The following SUGCT variants were observed in gnomAD, a reference collection of about 807,000 sequenced individuals.
The protein encoded by SUGCT is succinyl-CoA:glutarate CoA-transferase.
Under a neutral mutation model 55.0 loss-of-function variants are expected in SUGCT, and 41 were observed. That is an observed-to-expected ratio of 0.74 (90% CI 0.58 to 0.97). SUGCT has a LOEUF of 0.97. SUGCT is among the 50% of genes least tolerant of loss of function. The probability of loss-of-function intolerance (pLI) is 0.00; values close to 1 mark genes in which losing one functional copy is unlikely to be tolerated. For missense variants in SUGCT, 568 were observed against 547.8 expected (o/e 1.04, Z -0.37); for synonymous variants, 187 against 200.4 (o/e 0.93, Z 0.56).
intron 7 of SUGCT, among the ~76,000 whole-genome samples, chr7:40,251,261 A>G (rs1790381455): frequency 1.3e-5 from 2 of 152,314 alleles, no homozygotes; most frequent in Middle Eastern, 3.4e-3. Flanking sequence ...CTGCTAATTA[A>G]CTACTTGTAC....
chr7:40,493,647 C>A (rs1282135871), intron 11 of SUGCT, among the ~76,000 whole-genome samples: 1 of 152,114 alleles, frequency 6.6e-6, no homozygotes, highest in Non-Finnish European at 1.5e-5. Context: ...TTGTGAGTCT[C>A]CAAATAATTT....
chr7:40,288,627 G>C (rs545965277), intron 8 of SUGCT, among the ~76,000 whole-genome samples: 1 of 151,528 alleles, frequency 6.6e-6, no homozygotes, highest in South Asian at 2.1e-4. Context: ...TTTTTTGAGT[G>C]TGCTTATTAC....
the SUGCT span, among the ~76,000 whole-genome samples, chr7:40,866,849 G>C: frequency 3.3e-5 from 5 of 151,954 alleles, no homozygotes; most frequent in African/African-American, 1.2e-4. Context: ...GACAAACCAC[G>C]GAGAGATGAC....
intron 7 of SUGCT, among the ~76,000 whole-genome samples, chr7:40,245,182 G>A (rs1789733676): frequency 6.6e-6 from 1 of 150,410 alleles, no homozygotes; most frequent in Non-Finnish European, 1.5e-5. Context: ...AGCCTCCTAA[G>A]TAGCTGGCAT....
At chr7:40,240,813 G>A (rs1352655391) in intron 7 of SUGCT, among the ~76,000 whole-genome samples, 3 of 152,208 alleles carry the variant, frequency 2.0e-5, no homozygotes, top group Non-Finnish European at 2.9e-5. Flanking sequence ...CACCCTACGC[G>A]GTGGAGCCCA....
intron 11 of SUGCT, among the ~76,000 whole-genome samples, chr7:40,466,816 T>C (rs1281454055): frequency 6.6e-6 from 1 of 152,212 alleles, no homozygotes; most frequent in African/African-American, 2.4e-5. Flanking sequence ...AAGATCTGAA[T>C]TTGAGATCCT....
the SUGCT span, among the ~76,000 whole-genome samples, chr7:40,989,972 T>G: frequency 6.6e-6 from 1 of 152,238 alleles, no homozygotes; most frequent in Non-Finnish European, 1.5e-5. Flanking sequence ...AACTTCTTCC[T>G]AACTCCTGTT....
At chr7:40,522,412 C>T (rs934583060) in intron 12 of SUGCT, among the ~76,000 whole-genome samples, 1 of 152,112 alleles carries the variant, frequency 6.6e-6, no homozygotes. Flanking sequence ...GGGGTGATAA[C>T]TACTTACACT....
At chr7:40,980,599 G>A in the SUGCT span, among the ~76,000 whole-genome samples, 1 of 152,118 alleles carries the variant, frequency 6.6e-6, no homozygotes. Flanking sequence ...TACAATGGTG[G>A]GACAGGCATA....
the SUGCT span, among the ~76,000 whole-genome samples, chr7:40,897,241 A>C: frequency 6.6e-6 from 1 of 152,238 alleles, no homozygotes; most frequent in Non-Finnish European, 1.5e-5. Flanking sequence ...TAAGTGCTGG[A>C]ACTGTGAAAC....
the SUGCT span, among the ~76,000 whole-genome samples, chr7:40,950,682 G>A: frequency 6.6e-5 from 10 of 152,080 alleles, no homozygotes; most frequent in Non-Finnish European, 1.2e-4. Flanking sequence ...GTTGAATTTC[G>A]TCAAAGGCCT....
chr7:40,661,174 A>T (rs1801285810), intron 12 of SUGCT, among the ~76,000 whole-genome samples: 1 of 152,192 alleles, frequency 6.6e-6, no homozygotes, highest in Non-Finnish European at 1.5e-5. Context: ...GTCTCTTCTT[A>T]AATGTTTTTA....
At chr7:40,503,883 T>C (rs757007954) in intron 12 of SUGCT, among the ~76,000 whole-genome samples, 1 of 152,194 alleles carries the variant, frequency 6.6e-6, no homozygotes, top group Non-Finnish European at 1.5e-5. Flanking sequence ...AATATTAAGT[T>C]ATTGCAATGA....
At chr7:40,730,690 A>G (rs1584351363) in intron 12 of SUGCT, among the ~76,000 whole-genome samples, 1 of 152,076 alleles carries the variant, frequency 6.6e-6, no homozygotes, top group Admixed American at 6.6e-5. Context: ...ATATCTCTCT[A>G]CCACCCTCTC....
rs547445201 is a variant in SUGCT, at chr7:40,321,530, G to T, written c.816+4675G>T. On this transcript the variant is annotated intron_variant, in intron 9 of 13. Coordinates refer to ENST00000335693, the MANE Select transcript of SUGCT (RefSeq NM_001193313.2). ...CCCGAGTAGCTGGGACTATAGGCCT[G>T]TGCCACCATGCCTGGATAATTTTTG... 2.0e-5 allele frequency among the ~76,000 whole-genome samples: 3 copies of T among 151,998 alleles called. No homozygotes were observed. The South Asian group carries it at 6.2e-4, about 32-fold the overall frequency.
the SUGCT span, among the ~76,000 whole-genome samples, chr7:40,892,780 C>G: frequency 1.3e-5 from 2 of 152,164 alleles, no homozygotes; most frequent in African/African-American, 2.4e-5. Context: ...TCAAATGATC[C>G]TCTCATCGTG....
At chr7:40,394,499 T>C (rs1479940754) in intron 9 of SUGCT, among the ~76,000 whole-genome samples, 6 of 152,228 alleles carry the variant, frequency 3.9e-5, no homozygotes, top group Admixed American at 2.6e-4. Context: ...TATAGATTTA[T>C]ATTGTGCAAC....
intron 12 of SUGCT, among the ~76,000 whole-genome samples, chr7:40,607,552 A>G (rs1404679426): frequency 1.3e-5 from 2 of 152,230 alleles, no homozygotes; most frequent in East Asian, 1.9e-4. Flanking sequence ...AAGTAGAGCA[A>G]TGTAAGTGTT....
intron 7 of SUGCT, among the ~76,000 whole-genome samples, chr7:40,250,870 C>T (rs1165819633): frequency 5.6e-5 from 8 of 142,248 alleles, no homozygotes; most frequent in African/African-American, 2.1e-4. Context: ...GGGGTCTCAC[C>T]CTTTTGCCCA....
Sources: allele counts gnomAD v4.1 joint callset (sites outside exome capture counted in the v4.1 genomes callset), GRCh38; gene constraint gnomAD v4.1.1; transcripts MANE v1.5; gene names NCBI Gene and HGNC (gene_info 2026-07-23, HGNC 2026-07-21).